The following TULP4 variants were observed in gnomAD, a reference collection of about 807,000 sequenced individuals.
The protein encoded by TULP4 is tubby-related protein 4.
Under a neutral mutation model 129.0 loss-of-function variants are expected in TULP4, and 16 were observed. The observed-to-expected ratio is 0.12, with a 90% CI of 0.08 to 0.19. The LOEUF (loss-of-function observed/expected upper bound fraction) is 0.19. TULP4 is among the 10% of genes least tolerant of loss of function. The pLI is 1.00. For synonymous variants in TULP4, 998 were observed against 854.0 expected (o/e 1.17, Z -2.94); for missense variants, 1,842 against 2,059.1 (o/e 0.89, Z 2.04).
At position 158,502,965 on chromosome 6, in the gene TULP4, A is replaced by G. The variant is rs777762353; in HGVS notation, c.3302A>G (p.Glu1101Gly). ...GCCCTGTCCCAGCACTGTCAGCTTG[A>G]GAAGCCCTTGAGGCACCCTCCCCTG... is the stretch of plus-strand genomic sequence containing the variant. ...DEALSQHCQL[E>G]KPLRHPPLPE... Residue 1101 changes from glutamate (E) to glycine (G), a missense_variant, in exon 13 of 14, where the codon GAG (glutamate) becomes GGG (glycine). Transcript: ENST00000367097. 107 of 1,613,762 alleles carry G rather than the reference A, an allele frequency of 6.6e-5. No individual in the cohort carries two copies. Among genetic ancestry groups the G allele is most frequent in the Non-Finnish European group, 8.8e-5 (104 of 1,179,948 alleles).
intron 1 of TULP4, among the ~76,000 whole-genome samples, chr6:158,373,491 C>T (rs55811272): frequency 0.18 from 27,666 of 152,202 alleles, 3,160 homozygotes; most frequent in Non-Finnish European, 0.26. Context: ...TCGTCGTCAT[C>T]GTGGATGGCT....
chr6:158,374,687 T>C (rs1329738269), intron 1 of TULP4, among the ~76,000 whole-genome samples: 1 of 152,114 alleles, frequency 6.6e-6, no homozygotes, highest in African/African-American at 2.4e-5. Context: ...CCTTTTCCAA[T>C]AGCAGTAACA....
chr6:158,471,386 T>C (rs1779679203), intron 6 of TULP4, among the ~76,000 whole-genome samples: 1 of 152,070 alleles, frequency 6.6e-6, no homozygotes, highest in Non-Finnish European at 1.5e-5. Context: ...AAGGTGAGTG[T>C]AGTAGCAGGG....
intron 1 of TULP4, chr6:158,238,113 A>G (rs560572400): frequency 1.4e-6 from 1 of 734,386 alleles, no homozygotes; most frequent in Admixed American, 1.8e-5. Flanking sequence ...TGCAGACACC[A>G]TGCCTGGTTT....
intron 1 of TULP4, among the ~76,000 whole-genome samples, chr6:158,319,083 T>G (rs1285188514): frequency 6.6e-6 from 1 of 151,960 alleles, no homozygotes; most frequent in Non-Finnish European, 1.5e-5. Flanking sequence ...AAATAGCAAG[T>G]TTTTGTATAA....
chr6:158,430,457 T>G (rs1358971535), intron 3 of TULP4, among the ~76,000 whole-genome samples: 2 of 152,242 alleles, frequency 1.3e-5, no homozygotes, highest in East Asian at 3.8e-4. Context: ...TAATTCATTT[T>G]GGAGGCCAGG....
chr6:158,251,574 A>G (rs904085914), intron 1 of TULP4, among the ~76,000 whole-genome samples: 2 of 152,236 alleles, frequency 1.3e-5, no homozygotes, highest in African/African-American at 4.8e-5. Flanking sequence ...TTCCTGAGAT[A>G]GATTGGCTCT....
chr6:158,484,714 C>T (rs964533599), intron 8 of TULP4, among the ~76,000 whole-genome samples: 3 of 152,156 alleles, frequency 2.0e-5, no homozygotes, highest in African/African-American at 7.2e-5. Context: ...GTCTGCAAGC[C>T]GGGGGCAAAG....
intron 1 of TULP4, among the ~76,000 whole-genome samples, chr6:158,317,619 A>G (rs764696810): frequency 2.0e-5 from 3 of 152,224 alleles, no homozygotes; most frequent in African/African-American, 4.8e-5. Context: ...TAGTGCCGCA[A>G]TAAACATATG....
chr6:158,337,780 G>A (rs953852765), intron 1 of TULP4, among the ~76,000 whole-genome samples: 1 of 101,870 alleles, frequency 9.8e-6, no homozygotes, highest in Non-Finnish European at 2.1e-5. Context: ...CTAGAAAGAA[G>A]TGAATGTTTG....
chr6:158,493,219 A>G lies in TULP4; in HGVS notation c.1632-354A>G, dbSNP rs1355663671. Among the ~76,000 whole-genome samples the G allele has an allele frequency of 6.6e-6, 1 of 152,184 alleles. No individual in the cohort carries two copies. Among genetic ancestry groups the G allele is most frequent in the Non-Finnish European group, 1.5e-5 (1 of 68,026 alleles). On this transcript the variant is annotated intron_variant, in intron 9 of 13. Transcript: ENST00000367097. This position sits in a 1 kb window ranked among gnomAD's most constrained non-coding sequence, Gnocchi z 4.4. The stretch of plus-strand genomic sequence containing the variant: ...TTTTGAGATGGGGTCTTGCTCTGTC[A>G]TCCAGGCTCAAGTGGAGTTGTGTAA...
At chr6:158,489,068 C>T (rs1025189309) in intron 8 of TULP4, among the ~76,000 whole-genome samples, 9 of 152,172 alleles carry the variant, frequency 5.9e-5, no homozygotes, top group African/African-American at 2.2e-4. Flanking sequence ...GCCAGGCCCC[C>T]GCCGCAAGAC....
chr6:158,413,170 C>G lies in TULP4; in HGVS notation c.358C>G (p.Leu120Val). The change falls in exon 2 of 14, where the codon CTG becomes GTG. Residue 120 changes from leucine (L) to valine (V), a missense_variant. Leu to Val is a conservative substitution (Grantham distance 32). Transcript: ENST00000367097. The surrounding 1 kb of genome is among the most constrained non-coding windows in gnomAD (Gnocchi z 4.9). ...GTACGAGGGCAGGTGGTCTGTGGAGCTGGTCAACGACCGCGGGGCGCAGGT... is the reference window on the plus strand; with the variant it reads ...GTACGAGGGCAGGTGGTCTGTGGAGGTGGTCAACGACCGCGGGGCGCAGGT... ...IQYEGRWSVELVNDRGAQVSD... is the reference protein window; with the variant it reads ...IQYEGRWSVEVVNDRGAQVSD... 6.2e-7 allele frequency: 1 copy of G among 1,613,152 alleles called. No homozygotes were observed. Among genetic ancestry groups the G allele is most frequent in the South Asian group, 1.1e-5 (1 of 90,986 alleles).
rs1554293006 is a variant in TULP4 at position 158,454,018 on chromosome 6, A to ACCCC, written c.859+1752_859+1753insCCCC. ...TGGCAAGAATCATACCTGCCTCTGCACCGCCCCCCCCCAAGTAATTACTCT... is the reference window on the plus strand; with the variant it reads ...TGGCAAGAATCATACCTGCCTCTGCACCCCCCGCCCCCCCCCAAGTAATTACTCT... On this transcript the variant is annotated intron_variant, in intron 5 of 13. Coordinates refer to ENST00000367097, the MANE Select transcript of TULP4 (RefSeq NM_020245.5). Among the ~76,000 whole-genome samples, 37 of 114,592 alleles carry ACCCC rather than the reference A, an allele frequency of 3.2e-4. 1 individual carries two copies. The highest frequency in any genetic ancestry group is 4.7e-4 in the East Asian group (2 of 4,242). 75.2% of individuals were successfully genotyped at this position (114,592 alleles called of 152,430 possible).
chr6:158,446,975 C>T (rs754396174), intron 3 of TULP4, among the ~76,000 whole-genome samples: 1 of 152,088 alleles, frequency 6.6e-6, no homozygotes, highest in African/African-American at 2.4e-5. Flanking sequence ...ATTGGGGAGG[C>T]GGGGAGCTCA....
intron 11 of TULP4, among the ~76,000 whole-genome samples, chr6:158,495,383 C>A (rs1780313333): frequency 6.6e-6 from 1 of 152,066 alleles, no homozygotes; most frequent in East Asian, 1.9e-4. Context: ...TTGCTATAAG[C>A]CCTGACTCAT....
At chr6:158,302,429 A>AT in intron 1 of TULP4, among the ~76,000 whole-genome samples, 1 of 152,370 alleles carries the variant, frequency 6.6e-6, no homozygotes, top group African/African-American at 2.4e-5. Flanking sequence ...TAATTACAGC[A>AT]TTAATGGCCC....
chr6:158,265,700 T>A (rs545103631), intron 1 of TULP4, among the ~76,000 whole-genome samples: 10 of 144,092 alleles, frequency 6.9e-5, no homozygotes, highest in East Asian at 4.2e-4. Flanking sequence ...AAAAAAAAAA[T>A]TTTGGCTCAA....
At chr6:158,479,709 G>A in intron 6 of TULP4, 42 bp from the exon 7 acceptor site, 1 of 1,583,494 alleles carries the variant, frequency 6.3e-7, no homozygotes, top group Non-Finnish European at 8.6e-7. Context: ...CTTCCCACAA[G>A]AGCAAAAGCT....
Sources: gnomAD v4.1 joint callset for allele counts (sites outside exome capture counted in the v4.1 genomes callset) on GRCh38, gnomAD v4.1.1 for gene constraint, Gnocchi (gnomAD v3.1) non-coding constraint, MANE v1.5 for transcripts, NCBI Gene and HGNC (gene_info 2026-07-23, HGNC 2026-07-21) for gene names.